MYO5B: variants seen among roughly 807,000 people sequenced by gnomAD.
The protein encoded by MYO5B is myosin VB.
A neutral mutation model predicts 229.3 loss-of-function variants in MYO5B; 143 were observed. That is an observed-to-expected ratio of 0.62 (90% CI 0.54 to 0.72). The LOEUF is 0.72. MYO5B is among the 30% of genes least tolerant of loss of function. The pLI, the probability that MYO5B is intolerant of heterozygous loss-of-function variation, is 0.00. For synonymous variants in MYO5B, 918 were observed against 885.2 expected, an observed-to-expected ratio of 1.04 and a Z score of -0.66; for missense variants, 2,321 against 2,331.0, an observed-to-expected ratio of 1.00 and a Z score of 0.09.
At chr18:50,137,961 G>C (rs1599049074) in intron 1 of MYO5B, among the ~76,000 whole-genome samples, 1 of 152,190 alleles carries the variant, frequency 6.6e-6, no homozygotes. Flanking sequence ...GGAAGTAACA[G>C]ACATTGGTGC....
chr18:50,052,706 A>T (rs1438838993), intron 2 of MYO5B, among the ~76,000 whole-genome samples: 43 of 5,120 alleles, frequency 8.4e-3, no homozygotes, highest in Non-Finnish European at 0.024. Flanking sequence ...AAAGTATAAT[A>T]AAAAAAAAAG....
At chr18:50,104,288 A>ATC (rs1555659366) in intron 1 of MYO5B, among the ~76,000 whole-genome samples, 4 of 144,754 alleles carry the variant, frequency 2.8e-5, no homozygotes, top group Admixed American at 2.1e-4. Context: ...ATATATATAT[A>ATC]TATCTCATAA....
At chr18:49,830,752 G>A (rs2023906403) in intron 39 of MYO5B, among the ~76,000 whole-genome samples, 1 of 144,652 alleles carries the variant, frequency 6.9e-6, no homozygotes, top group Non-Finnish European at 1.5e-5. Flanking sequence ...AGAATTGCTT[G>A]AACCTGGGAG....
intron 3 of MYO5B, among the ~76,000 whole-genome samples, chr18:50,037,737 A>G (rs1219611552): frequency 6.6e-6 from 1 of 152,096 alleles, no homozygotes; most frequent in African/African-American, 2.4e-5. Context: ...TCTTCTCTAC[A>G]AAAAAAGTAT....
intron 9 of MYO5B, among the ~76,000 whole-genome samples, chr18:49,975,038 C>T (rs780853749): frequency 1.1e-4 from 17 of 152,218 alleles, no homozygotes; most frequent in Non-Finnish European, 1.5e-4. Flanking sequence ...TATGACCATG[C>T]AATCCATTCG....
In MYO5B at chr18:49,974,372, T is replaced by C. The variant is rs372853673; in HGVS notation, c.1300A>G (p.Ile434Val). 1.1e-5 allele frequency: 18 copies of C among 1,614,070 alleles called. No homozygotes were observed. In the African/African-American group the frequency reaches 2.0e-4, roughly 18 times the overall value. Residue 434 changes from isoleucine (I) to valine (V), a missense_variant, in exon 10 of 40, where the codon ATC (isoleucine) becomes GTC (valine). By Grantham distance (29) the Ile-to-Val change is conservative (BLOSUM62 3). Coordinates refer to ENST00000285039, the MANE Select transcript of MYO5B (RefSeq NM_001080467.3). Reference protein sequence around the residue: ...LHTSLKQHSFIGVLDIYGFET... With the variant: ...LHTSLKQHSFVGVLDIYGFET... ...TACCCATAGATGTCCAGGACCCCGA[T>C]GAAGGAGTGCTGCTTGAGGGAGGTG... is the stretch of plus-strand genomic sequence containing the variant.
At chr18:49,876,182 G>C in intron 25 of MYO5B, 1 of 357,954 alleles carries the variant, frequency 2.8e-6, no homozygotes, top group Non-Finnish European at 5.4e-6. Flanking sequence ...TCACACCAGA[G>C]AAACTATAGA....
intron 20 of MYO5B, among the ~76,000 whole-genome samples, chr18:49,904,202 C>T (rs969431914): frequency 1.3e-5 from 2 of 152,196 alleles, no homozygotes; most frequent in African/African-American, 4.8e-5. Flanking sequence ...GAGGCAGATC[C>T]CTCATGAACA....
Position 49,862,728 on chromosome 18 carries a change from T to C in MYO5B, c.3944+499A>G, listed in dbSNP as rs141462120. ...ACATCCAGGGAGATCTCATTTTGGCTAAGACGGTGGAGGTGAAATGCTTCC... is the reference window on the plus strand; with the variant it reads ...ACATCCAGGGAGATCTCATTTTGGCCAAGACGGTGGAGGTGAAATGCTTCC... On this transcript the variant is annotated intron_variant, in intron 29 of 39. Coordinates refer to ENST00000285039, the MANE Select transcript of MYO5B (RefSeq NM_001080467.3). Among the ~76,000 whole-genome samples, 1,736 of 152,292 alleles carry C rather than the reference T, an allele frequency of 0.011. 46 individuals are homozygous for C. The South Asian group carries it at 0.12, about 10-fold the overall frequency.
chr18:50,180,474 A>G (rs1413582079), intron 1 of MYO5B, among the ~76,000 whole-genome samples: 2 of 152,118 alleles, frequency 1.3e-5, no homozygotes, highest in South Asian at 2.1e-4. Flanking sequence ...TCCCCCATCT[A>G]AACACCTAAC....
chr18:49,899,642 A>G (rs542446575), intron 21 of MYO5B, among the ~76,000 whole-genome samples: 2 of 152,340 alleles, frequency 1.3e-5, no homozygotes, highest in African/African-American at 4.8e-5. Flanking sequence ...CAGTCAAGCT[A>G]CTTAACCTCT....
intron 1 of MYO5B, chr18:50,126,484 T>C (rs375000172): frequency 6.5e-6 from 1 of 154,830 alleles, no homozygotes; most frequent in South Asian, 2.0e-4. Flanking sequence ...GACCACAAAG[T>C]GGGGGCTGTC....
intron 24 of MYO5B, among the ~76,000 whole-genome samples, chr18:49,878,592 G>C (rs1232955287): frequency 6.6e-6 from 1 of 152,086 alleles, no homozygotes; most frequent in South Asian, 2.1e-4. Context: ...AGGCCCTTGT[G>C]GGTCTCTCTG....
chr18:50,109,434 T>C (rs1326866129), intron 1 of MYO5B, among the ~76,000 whole-genome samples: 3 of 151,846 alleles, frequency 2.0e-5, no homozygotes, highest in Admixed American at 6.5e-5. Flanking sequence ...TTCTTTTTTT[T>C]TTTTTTTTGA....
intron 10 of MYO5B, among the ~76,000 whole-genome samples, chr18:49,965,233 G>A (rs2025609347): frequency 6.6e-6 from 1 of 152,200 alleles, no homozygotes; most frequent in Non-Finnish European, 1.5e-5. Flanking sequence ...TGGATGTGCA[G>A]ATAAGACCCA....
At chr18:50,155,745 T>G (rs950786729) in intron 1 of MYO5B, among the ~76,000 whole-genome samples, 1 of 152,250 alleles carries the variant, frequency 6.6e-6, no homozygotes, top group African/African-American at 2.4e-5. Flanking sequence ...AAAGCAATTC[T>G]CTTTCTGATC....
intron 1 of MYO5B, among the ~76,000 whole-genome samples, chr18:50,083,803 C>A (rs952902019): frequency 1.3e-5 from 2 of 152,172 alleles, no homozygotes; most frequent in African/African-American, 2.4e-5. Flanking sequence ...TGTCACCAAC[C>A]TGATACCCAA....
intron 4 of MYO5B, among the ~76,000 whole-genome samples, chr18:50,011,300 C>T (rs918539404): frequency 6.6e-6 from 1 of 152,172 alleles, no homozygotes; most frequent in Non-Finnish European, 1.5e-5. Flanking sequence ...CAAGATCGTG[C>T]CACTGCACTC....
At chr18:50,071,947 C>T (rs1187757336) in intron 1 of MYO5B, among the ~76,000 whole-genome samples, 1 of 152,214 alleles carries the variant, frequency 6.6e-6, no homozygotes, top group Non-Finnish European at 1.5e-5. Context: ...CTGACTTCTA[C>T]AATGTGCTGC....
Sources: allele counts gnomAD v4.1 joint callset (sites outside exome capture counted in the v4.1 genomes callset), GRCh38; gene constraint gnomAD v4.1.1; transcripts MANE v1.5; gene names NCBI Gene and HGNC (gene_info 2026-07-23, HGNC 2026-07-21).